FAT4: variants seen among roughly 807,000 people sequenced by gnomAD.
FAT4 encodes protocadherin Fat 4.
FAT4 carries 84 observed loss-of-function variants against 303.9 expected under a neutral mutation model. The ratio of observed to expected loss-of-function variants is 0.28; its 90% CI spans 0.23 to 0.33. The LOEUF (loss-of-function observed/expected upper bound fraction) is 0.33, where lower values mean the gene tolerates loss of function less well. Among genes scored for constraint, FAT4 ranks in the 10% least tolerant of loss-of-function variants. FAT4 has a pLI of 1.00. For missense variants in FAT4, 6,005 were observed against 6,146.8 expected (o/e 0.98, Z 0.77); for synonymous variants, 2,307 against 2,298.8 (o/e 1.00, Z -0.10).
Position 125,426,243 on chromosome 4 carries a change from G to A in FAT4, c.7019-8002G>A, listed in dbSNP as rs527858406. ...ATCACATTTTGTCAATATTATTTGTGGGAATGTATGATAGAAAAGTTTGCC... is the reference window on the plus strand; with the variant it reads ...ATCACATTTTGTCAATATTATTTGTAGGAATGTATGATAGAAAAGTTTGCC... On this transcript the variant is annotated intron_variant, in intron 7 of 17. Coordinates refer to ENST00000394329, the MANE Select transcript of FAT4 (RefSeq NM_001291303.3). Among the ~76,000 whole-genome samples, 6 of 152,076 alleles carry A rather than the reference G, an allele frequency of 3.9e-5. No individual in the cohort carries two copies. The East Asian group carries it at 1.2e-3, about 29-fold the overall frequency.
intron 2 of FAT4, among the ~76,000 whole-genome samples, chr4:125,326,737 T>G (rs996173405): frequency 1.3e-5 from 2 of 152,214 alleles, no homozygotes; most frequent in African/African-American, 2.4e-5. Context: ...TCTGATTTGT[T>G]GCTTAAAAAG....
At position 125,491,346 on chromosome 4, in the gene FAT4, A is replaced by T. The variant is rs780522985; in HGVS notation, c.14530A>T (p.Ser4844Cys). 3.2e-5 allele frequency: 51 copies of T among 1,614,108 alleles called. No individual in the cohort carries two copies. The highest frequency in any genetic ancestry group is 3.9e-5 in the Non-Finnish European group (46 of 1,180,044). ...GIPAPESSSD[S>C]DSHESFTCSE... Reference sequence around the variant, plus strand: ...TCCAGCTCCAGAATCCTCTTCTGATAGTGACTCCCATGAATCTTTCACTTG... The same window carrying T: ...TCCAGCTCCAGAATCCTCTTCTGATTGTGACTCCCATGAATCTTTCACTTG... Residue 4844 changes from serine (S) to cysteine (C), a missense_variant, in exon 18 of 18, where the codon AGT (serine) becomes TGT (cysteine). Coordinates refer to ENST00000394329, the MANE Select transcript of FAT4 (RefSeq NM_001291303.3).
chr4:125,455,404 A>G (rs1185038047), intron 10 of FAT4, among the ~76,000 whole-genome samples: 1 of 152,186 alleles, frequency 6.6e-6, no homozygotes, highest in Non-Finnish European at 1.5e-5. Flanking sequence ...GAAACTCTTA[A>G]AAATGCCTTT....
chr4:125,404,002 C>T (rs1256811900), intron 3 of FAT4, among the ~76,000 whole-genome samples: 5 of 152,056 alleles, frequency 3.3e-5, no homozygotes, highest in African/African-American at 4.8e-5. Flanking sequence ...ACTTACCTTG[C>T]TAGTTTGCCT....
chr4:125,490,556 C>A lies in FAT4; in HGVS notation c.13740C>A (p.Asn4580Lys). The A allele has an allele frequency of 1.2e-6, 2 of 1,614,124 alleles. No homozygotes were observed. Among genetic ancestry groups the A allele is most frequent in the Non-Finnish European group, 1.7e-6 (2 of 1,180,014 alleles). Residue 4580 changes from asparagine (N) to lysine (K), a missense_variant, in exon 18 of 18, where the codon AAC (asparagine) becomes AAA (lysine). Coordinates refer to ENST00000394329, the MANE Select transcript of FAT4 (RefSeq NM_001291303.3). ...CTGTGAGGAAGCAGCCTGAAGGGAA[C>A]CCAAAACCAGATATCATTGAAAGGG... Reference protein sequence around the residue: ...DMTVRKQPEGNPKPDIIEREN... With the variant: ...DMTVRKQPEGKPKPDIIEREN...
At chr4:125,330,220 A>ATTT (rs138860579) in intron 2 of FAT4, among the ~76,000 whole-genome samples, 2,424 of 151,414 alleles carry the variant, frequency 0.016, 58 homozygotes, top group African/African-American at 0.056. Context: ...TACTTCAAGT[A>ATTT]TTTTTTTTTA....
chr4:125,341,983 GA>G (rs1731815741), intron 2 of FAT4, among the ~76,000 whole-genome samples: 1 of 151,822 alleles, frequency 6.6e-6, no homozygotes, highest in Admixed American at 6.6e-5. Context: ...ACACAGTTAA[GA>G]AAAATGAATC....
At chr4:125,471,895 C>CATAAAAA (rs1726871198) in intron 12 of FAT4, among the ~76,000 whole-genome samples, 1 of 56,108 alleles carries the variant, frequency 1.8e-5, no homozygotes, top group Non-Finnish European at 3.0e-5. Flanking sequence ...ACTAAAAATA[C>CATAAAAA]AAAAAAAAAA....
At chr4:125,343,102 A>G (rs1731859238) in intron 2 of FAT4, among the ~76,000 whole-genome samples, 1 of 152,076 alleles carries the variant, frequency 6.6e-6, no homozygotes, top group African/African-American at 2.4e-5. Context: ...TTAAAATCAT[A>G]TTCATATTCA....
intron 2 of FAT4, among the ~76,000 whole-genome samples, chr4:125,326,157 T>C (rs1731149559): frequency 6.6e-6 from 1 of 152,234 alleles, no homozygotes; most frequent in East Asian, 1.9e-4. Flanking sequence ...TGATTACAAA[T>C]GAGTTTTAGC....
rs937172955 is a variant in FAT4, at chr4:125,388,759, C to A, written c.5176-10025C>A. On this transcript the variant is annotated intron_variant, in intron 2 of 17. Coordinates refer to ENST00000394329, the MANE Select transcript of FAT4 (RefSeq NM_001291303.3). ...TCTAACTTGAACAATATTGAAAGCA[C>A]AACAAAACTAGCTTTTTATTATGTC... Among the ~76,000 whole-genome samples, 15 of 152,132 alleles carry A rather than the reference C, an allele frequency of 9.9e-5. 1 individual carries two copies. The highest frequency in any genetic ancestry group is 2.2e-4 in the Non-Finnish European group (15 of 68,008).
intron 7 of FAT4, among the ~76,000 whole-genome samples, chr4:125,432,291 T>A (rs1725308549): frequency 6.6e-6 from 1 of 152,186 alleles, no homozygotes; most frequent in African/African-American, 2.4e-5. Context: ...CATTCCTCAC[T>A]AGGTCTGTGG....
At chr4:125,362,264 G>A (rs1472760234) in intron 2 of FAT4, among the ~76,000 whole-genome samples, 1 of 151,950 alleles carries the variant, frequency 6.6e-6, no homozygotes. Context: ...TTAGGGATAT[G>A]CAGACTATAT....
chr4:125,476,148 T>C, intron 12 of FAT4, 23 bp from the exon 13 acceptor site: 7 of 1,499,508 alleles, frequency 4.7e-6, no homozygotes, highest in Non-Finnish European at 6.5e-6. Flanking sequence ...CAAAGTTGAA[T>C]GTTTCTTTCT....
At chr4:125,414,134 A>T (rs72914911) in intron 5 of FAT4, among the ~76,000 whole-genome samples, 75 of 152,168 alleles carry the variant, frequency 4.9e-4, no homozygotes, top group African/African-American at 1.8e-3. Context: ...TAAAACAGTA[A>T]GATGATGTAT....
At chr4:125,481,435 C>CT in intron 15 of FAT4, 86 bp from the exon 16 acceptor site, 1 of 1,144,362 alleles carries the variant, frequency 8.7e-7, no homozygotes. Flanking sequence ...TTTCATTGTC[C>CT]TTTTTATATT....
chr4:125,446,888 G>A (rs898847066), intron 9 of FAT4, among the ~76,000 whole-genome samples: 2 of 151,864 alleles, frequency 1.3e-5, no homozygotes, highest in Non-Finnish European at 1.5e-5. Flanking sequence ...AAGAGGAGGG[G>A]CATTGTCTCT....
intron 7 of FAT4, among the ~76,000 whole-genome samples, chr4:125,417,280 A>G (rs2390835): frequency 0.99 from 150,795 of 152,204 alleles, 74,712 homozygotes; most frequent in East Asian, 1. Flanking sequence ...GATGGTTCCA[A>G]CCACTTCTCT....
At chr4:125,447,375 T>G (rs937206018) in intron 9 of FAT4, among the ~76,000 whole-genome samples, 1 of 152,086 alleles carries the variant, frequency 6.6e-6, no homozygotes, top group African/African-American at 2.4e-5. Context: ...GATCTTCTAT[T>G]AATCTGAGAA....
Sources: allele counts gnomAD v4.1 joint callset (sites outside exome capture counted in the v4.1 genomes callset), GRCh38; gene constraint gnomAD v4.1.1; transcripts MANE v1.5; gene names NCBI Gene and HGNC (gene_info 2026-07-23, HGNC 2026-07-21).